The following RHBDF1 variants were observed in gnomAD, a reference collection of about 807,000 sequenced individuals.
RHBDF1 encodes the protein rhomboid 5 homolog 1, also known as inactive rhomboid protein 1.
A neutral mutation model predicts 98.6 loss-of-function variants in RHBDF1; 80 were observed. The ratio of observed to expected loss-of-function variants is 0.81; its 90% confidence interval spans 0.68 to 0.98. The LOEUF (loss-of-function observed/expected upper bound fraction) is 0.98. Among genes scored for constraint, RHBDF1 ranks in the 50% least tolerant of loss-of-function variants. The pLI, the probability that RHBDF1 is intolerant of heterozygous loss-of-function variation, is 0.00. For missense variants in RHBDF1, 1,116 were observed against 1,198.3 expected (o/e 0.93, Z 1.01); for synonymous variants, 512 against 486.8 (o/e 1.05, Z -0.68).
At chr16:62,228 G>T in intron 7 of RHBDF1, 176 bp from the exon 8 acceptor site, 1 of 923,958 alleles carries the variant, frequency 1.1e-6, no homozygotes, top group Non-Finnish European at 1.6e-6. Context: ...GGGATGGCAG[G>T]GAGCTGGAAC....
rs962605339 is a variant in RHBDF1, at chr16:62,762, G to A, written c.795+13C>T. ...GGAACGTGGGGTGGGGGGACACCCC[G>A]GGCACTTCTTACCCGGGCAAAGAAG... On this transcript the variant is annotated intron_variant, in intron 6 of 17. Coordinates refer to ENST00000262316, the MANE Select transcript of RHBDF1 (RefSeq NM_022450.5). The A allele has an allele frequency of 1.1e-5, 17 of 1,613,914 alleles. No homozygotes were observed. Among genetic ancestry groups the A allele is most frequent in the Middle Eastern group, 1.6e-4 (1 of 6,084 alleles).
At position 62,854 on chromosome 16, in the gene RHBDF1, C is replaced by G. The variant is rs139734214; in HGVS notation, c.716G>C (p.Arg239Pro). The G allele has an allele frequency of 1.5e-5, 25 of 1,613,838 alleles. No homozygotes were observed. Among genetic ancestry groups the G allele is most frequent in the Non-Finnish European group, 2.1e-5 (25 of 1,180,002 alleles). The change falls in exon 6 of 18, where the codon CGA becomes CCA. Residue 239 changes from arginine to proline, a missense_variant. By Grantham distance (103) the Arg-to-Pro change is moderately radical. Coordinates refer to ENST00000262316, the MANE Select transcript of RHBDF1 (RefSeq NM_022450.5). ...RDGTFRRAQR[R>P]SFTPASFLEE... The stretch of plus-strand genomic sequence containing the variant: ...CAGAAAGCTAGCTGGAGTGAAGCTT[C>G]GACGCTGTGCCCGGCGAAAGGTGCC...
chr16:63,885 G>GCC (rs3056232), intron 3 of RHBDF1, 85 bp from the exon 4 acceptor site: 1,163,694 of 1,163,766 alleles, frequency 1, 581,811 homozygotes, highest in Middle Eastern at 1. Flanking sequence ...GGGGCAGCAT[G>GCC]CTGCCCCCAG....
rs2141849402 is a variant in RHBDF1, at chr16:61,652, G to T, written c.1253C>A (p.Thr418Asn). 1 of 1,613,530 alleles carries T rather than the reference G, an allele frequency of 6.2e-7. No individual in the cohort carries two copies. Among genetic ancestry groups the T allele is most frequent in the East Asian group, 2.2e-5 (1 of 44,874 alleles). ...YWLTFVHSLV[T>N]ILAVCIYGIA... is the part of the protein sequence containing the mutation. ...GCCATAGATGCACACGGCTAGGATG[G>T]TGACGAGCGAGTGCACGAAGGTAAG... The change falls in exon 9 of 18, where the codon ACC (threonine) becomes AAC (asparagine). Residue 418 changes from threonine (T) to asparagine (N), a missense_variant. Physicochemically the swap from Thr to Asn is moderately conservative, Grantham distance 65. Transcript: ENST00000262316.
chr16:61,622 G>C lies in RHBDF1; in HGVS notation c.1283C>G (p.Ala428Gly). 1 of 1,613,476 alleles carries C rather than the reference G, an allele frequency of 6.2e-7. No homozygotes were observed. The highest frequency in any genetic ancestry group is 1.1e-5 in the South Asian group (1 of 91,086). ...CTCATGCTGCGAGAAGCCCACGGGC[G>C]CGATGCCATAGATGCACACGGCTAG... is the stretch of plus-strand genomic sequence containing the variant. The part of the protein sequence containing the change: ...TILAVCIYGI[A>G]PVGFSQHETV... Residue 428 changes from alanine to glycine, a missense_variant, in exon 9 of 18, where the codon GCG (alanine) becomes GGG (glycine). By Grantham distance (60) the Ala-to-Gly change is moderately conservative. Coordinates refer to ENST00000262316, the MANE Select transcript of RHBDF1 (RefSeq NM_022450.5).
At position 58,700 on chromosome 16, in the gene RHBDF1, C is replaced by T. The variant is rs772638115; in HGVS notation, c.2208G>A (p.Gln736=). The T allele has an allele frequency of 5.0e-6, 8 of 1,612,936 alleles. No individual in the cohort carries two copies. Among genetic ancestry groups the T allele is most frequent in the Non-Finnish European group, 6.8e-6 (8 of 1,179,930 alleles). ...AGGGCCGCGCCAGGATCTGCCAGCT[C>T]TGGAAGAGCTCCACGAAGAGGCAGG... ...ILACLFVELF[Q]SWQILARPWR... is the part of the protein sequence containing the mutation. Residue 736 remains glutamine (Q), a synonymous_variant, in exon 18 of 18, where the codon CAG becomes CAA. Coordinates refer to ENST00000262316, the MANE Select transcript of RHBDF1 (RefSeq NM_022450.5).
chr16:64,689 G>A lies in RHBDF1; in HGVS notation c.248+10C>T, dbSNP rs1567116822. On this transcript the variant is annotated intron_variant, in intron 3 of 17. Transcript: ENST00000262316. The stretch of plus-strand genomic sequence containing the variant: ...TCCCACCCCATGGAGCAGCTGGGCG[G>A]TGTTGGTACCTGCGGATGGTCTGTG... The A allele has an allele frequency of 1.2e-6, 2 of 1,604,892 alleles. No individual in the cohort carries two copies. The highest frequency in any genetic ancestry group is 2.2e-5 in the East Asian group (1 of 44,712).
chr16:67,705 G>A (rs1897864689), intron 1 of RHBDF1, among the ~76,000 whole-genome samples: 1 of 152,188 alleles, frequency 6.6e-6, no homozygotes, highest in South Asian at 2.1e-4. Flanking sequence ...CATATGTATG[G>A]GCCACTGTCC....
intron 11 of RHBDF1, 147 bp downstream of exon 11, chr16:60,973 G>A (rs1897588822): frequency 1.2e-6 from 1 of 824,692 alleles, no homozygotes; most frequent in Non-Finnish European, 1.8e-6. Context: ...TGGGGATGAG[G>A]AGGAATGAAT....
intron 11 of RHBDF1, 162 bp from the exon 12 acceptor site, chr16:60,701 G>T: frequency 1.7e-6 from 1 of 596,154 alleles, no homozygotes; most frequent in East Asian, 2.8e-5. Context: ...ACTCTTACAA[G>T]GAGTTTGACG....
chr16:74,069 G>A (rs1436099210), upstream of RHBDF1: 4 of 431,140 alleles, frequency 9.3e-6, no homozygotes, highest in Non-Finnish European at 1.2e-5. Context: ...AGCTTTGGAG[G>A]GGGTGGAGGG....
chr16:67,928 G>A (rs1326766690), intron 1 of RHBDF1, among the ~76,000 whole-genome samples: 2 of 152,260 alleles, frequency 1.3e-5, no homozygotes, highest in East Asian at 3.9e-4. Flanking sequence ...AGAGCCGAGA[G>A]CTGTGAGCGT....
At chr16:64,534 GTCAGTA>G in intron 3 of RHBDF1, 159 bp downstream of exon 3, 2 of 1,549,360 alleles carry the variant, frequency 1.3e-6, no homozygotes, top group Non-Finnish European at 1.7e-6. Context: ...GGTGAGAGCG[GTCAGTA>G]TCCAGAACAG....
chr16:64,450 A>G (rs1246964560), intron 3 of RHBDF1: 2 of 1,484,494 alleles, frequency 1.3e-6, no homozygotes, highest in African/African-American at 2.8e-5. Flanking sequence ...GCTAAGAGGC[A>G]AGAGCATCCG....
chr16:63,597 C>G lies in RHBDF1; in HGVS notation c.452G>C (p.Gly151Ala). 1 of 1,553,762 alleles carries G rather than the reference C, an allele frequency of 6.4e-7. No homozygotes were observed. The highest frequency in any genetic ancestry group is 8.7e-7 in the Non-Finnish European group (1 of 1,150,500). ...AACAGGCAGGCATACCTTCTGCATGCCCAGCTGGCATGGCCCCACGTAGAG... is the reference window on the plus strand; with the variant it reads ...AACAGGCAGGCATACCTTCTGCATGGCCAGCTGGCATGGCCCCACGTAGAG... ...PPLYVGPCQL[G>A]MQKIIDPLAR... Residue 151 changes from glycine (G) to alanine (A), a missense_variant, in exon 4 of 18, where the codon GGC (glycine) becomes GCC (alanine). Transcript: ENST00000262316.
At chr16:60,561 T>A (rs751210152) in intron 11 of RHBDF1, 22 bp from the exon 12 acceptor site, 1 of 1,592,224 alleles carries the variant, frequency 6.3e-7, no homozygotes, top group Non-Finnish European at 8.5e-7. Flanking sequence ...GGACACAGGG[T>A]CAGGTCCAGT....
rs376030368 is a variant in RHBDF1, at chr16:63,790, C to T, written c.259G>A (p.Asp87Asn). The T allele has an allele frequency of 2.2e-5, 36 of 1,613,052 alleles. No homozygotes were observed. The highest frequency in any genetic ancestry group is 2.7e-5 in the Non-Finnish European group (32 of 1,179,542). The stretch of plus-strand genomic sequence containing the variant: ...CTGTCCTTGCTCACTCCAAACCAGT[C>T]GGCGGTCCCCCTGGCATGGCAGGGA... ...ITQTIRRGTA[D>N]WFGVSKDSDS... Residue 87 changes from aspartate to asparagine, a missense_variant, in exon 4 of 18, where the codon GAC becomes AAC. Coordinates refer to ENST00000262316, the MANE Select transcript of RHBDF1 (RefSeq NM_022450.5).
Position 58,905 on chromosome 16 carries a change from G to C in RHBDF1, c.2148+69C>G. The C allele has an allele frequency of 1.9e-6, 3 of 1,584,844 alleles. No homozygotes were observed. In the South Asian group the frequency reaches 3.4e-5, roughly 18 times the overall value. On this transcript the variant is annotated intron_variant, in intron 17 of 17. Transcript: ENST00000262316. ...GGAGATGCTCCCAGACTCAGTGCTC[G>C]ATATGGACAGGTTCACAGCAGGCTG...
chr16:61,086 G>T, intron 11 of RHBDF1, 34 bp downstream of exon 11: 2 of 1,512,676 alleles, frequency 1.3e-6, no homozygotes, highest in Non-Finnish European at 1.8e-6. Context: ...ACACCGGGCA[G>T]ACGAAGGCGG....
Sources: gnomAD v4.1 joint callset for allele counts (sites outside exome capture counted in the v4.1 genomes callset) on GRCh38, gnomAD v4.1.1 for gene constraint, MANE v1.5 for transcripts, NCBI Gene and HGNC (gene_info 2026-07-23, HGNC 2026-07-21) for gene names.